ABTB2: variants seen among roughly 807,000 people sequenced by gnomAD.
ABTB2 encodes the protein ankyrin repeat and BTB domain containing 2.
A neutral mutation model predicts 104.1 loss-of-function variants in ABTB2; 56 were observed. The observed-to-expected ratio is 0.54, with a 90% CI of 0.43 to 0.67. The LOEUF (loss-of-function observed/expected upper bound fraction) is 0.67. Among genes scored for constraint, ABTB2 ranks in the 30% least tolerant of loss-of-function variants. The probability of loss-of-function intolerance (pLI) is 0.00; values close to 1 mark genes in which losing one functional copy is unlikely to be tolerated. For missense variants in ABTB2, 1,279 were observed against 1,407.7 expected, an observed-to-expected ratio of 0.91 and a Z score of 1.46; for synonymous variants, 606 against 608.2, an observed-to-expected ratio of 1.00 and a Z score of 0.05.
chr11:34,217,232 A>G (rs1461288080), intron 1 of ABTB2, among the ~76,000 whole-genome samples: 4 of 152,206 alleles, frequency 2.6e-5, no homozygotes, highest in Admixed American at 1.3e-4. Context: ...ATTATTTCCT[A>G]GGCGAAGCCA....
At chr11:34,195,890 C>T (rs1590213361) in intron 3 of ABTB2, among the ~76,000 whole-genome samples, 1 of 152,168 alleles carries the variant, frequency 6.6e-6, no homozygotes, top group Non-Finnish European at 1.5e-5. Flanking sequence ...CTCAATGCCC[C>T]CCAAAGACAG....
At position 34,200,574 on chromosome 11, in the gene ABTB2, C is replaced by A. The variant is rs542880387; in HGVS notation, c.1031-3036G>T. 1.4e-3 allele frequency among the ~76,000 whole-genome samples: 217 copies of A among 152,326 alleles called. 1 individual carries two copies. The highest frequency in any genetic ancestry group is 6.8e-3 in the Middle Eastern group (2 of 294). ...GGCAACCCACTTATGGCAAAGAAAG[C>A]GGCTTGCTTGGAACCTTCTCCTAGG... On this transcript the variant is annotated intron_variant, in intron 2 of 16. Coordinates refer to ENST00000435224, the MANE Select transcript of ABTB2 (RefSeq NM_145804.3).
In ABTB2 at chr11:34,164,746, A is replaced by C. The variant is rs1590203786; in HGVS notation, c.1928T>G (p.Met643Arg). The C allele has an allele frequency of 6.4e-7, 1 of 1,557,860 alleles. No individual in the cohort carries two copies. The change falls in exon 9 of 17, where the codon ATG (methionine) becomes AGG (arginine). Residue 643 changes from methionine (M) to arginine (R), a missense_variant. Physicochemically the swap from Met to Arg is moderately conservative, Grantham distance 91. Coordinates refer to ENST00000435224, the MANE Select transcript of ABTB2 (RefSeq NM_145804.3). ...PLLSMLEAHGMGSSLHEDMNC... is the reference protein window; with the variant it reads ...PLLSMLEAHGRGSSLHEDMNC... ...CATGTCCTCGTGGAGGGAGGAGCCC[A>C]TGCCGTGGGCCTCCAGCATGCTGAG... is the stretch of plus-strand genomic sequence containing the variant.
At chr11:34,211,497 T>G (rs1352379687) in intron 1 of ABTB2, among the ~76,000 whole-genome samples, 3 of 151,794 alleles carry the variant, frequency 2.0e-5, no homozygotes, top group Non-Finnish European at 4.4e-5. Flanking sequence ...GCTGGGGGGA[T>G]GGGTGTTGAG....
At chr11:34,182,253 A>G (rs1444709818) in intron 3 of ABTB2, among the ~76,000 whole-genome samples, 1 of 152,098 alleles carries the variant, frequency 6.6e-6, no homozygotes, top group Non-Finnish European at 1.5e-5. Context: ...GTCAGATTTC[A>G]CTCTGCACCA....
intron 3 of ABTB2, among the ~76,000 whole-genome samples, chr11:34,195,744 C>T (rs555642266): frequency 2.6e-5 from 4 of 152,280 alleles, no homozygotes; most frequent in East Asian, 1.9e-4. Flanking sequence ...ACTGAGCATC[C>T]GCCTGCAAAC....
intron 1 of ABTB2, among the ~76,000 whole-genome samples, chr11:34,223,838 C>T (rs1853655989): frequency 6.6e-6 from 1 of 152,172 alleles, no homozygotes; most frequent in Admixed American, 6.6e-5. Flanking sequence ...CTAGAACATT[C>T]TCCTTATTTC....
At chr11:34,314,413 G>A (rs989332782) in intron 1 of ABTB2, among the ~76,000 whole-genome samples, 11 of 152,186 alleles carry the variant, frequency 7.2e-5, no homozygotes, top group Non-Finnish European at 1.2e-4. Context: ...CTGAGCCAGC[G>A]CTTGGCACAT....
chr11:34,288,407 A>G (rs1171745494), intron 1 of ABTB2, among the ~76,000 whole-genome samples: 1 of 152,236 alleles, frequency 6.6e-6, no homozygotes, highest in Non-Finnish European at 1.5e-5. Flanking sequence ...AACAAACAAA[A>G]GATAAGGTCA....
Position 34,356,624 on chromosome 11 carries a change from G to A in ABTB2, c.883+77C>T. On this transcript the variant is annotated intron_variant, in intron 1 of 16. Transcript: ENST00000435224. The surrounding 1 kb of genome is among the most constrained non-coding windows in gnomAD (Gnocchi z 4.6). The stretch of plus-strand genomic sequence containing the variant: ...TGGCACAGCCACCAGCTTTGTCTCA[G>A]GAAATTCACTCCCCCAGTAGCCCAG... 6.9e-7 allele frequency: 1 copy of A among 1,452,084 alleles called. No individual in the cohort carries two copies. Among genetic ancestry groups the A allele is most frequent in the Non-Finnish European group, 9.1e-7 (1 of 1,094,134 alleles). 89.9% of individuals were successfully genotyped at this position (1,452,084 alleles called of 1,614,324 possible). A position where few individuals can be genotyped will look rare whatever the true frequency, so the allele number is the denominator to read the frequency against.
In ABTB2 at chr11:34,357,705, C is replaced by A; in HGVS notation, c.-122G>T. The A allele has an allele frequency of 8.9e-7, 1 of 1,123,634 alleles. No homozygotes were observed. Among genetic ancestry groups the A allele is most frequent in the Non-Finnish European group, 1.2e-6 (1 of 860,144 alleles). 69.6% of individuals were successfully genotyped at this position (1,123,634 alleles called of 1,614,324 possible). A position where few individuals can be genotyped will look rare whatever the true frequency, so the allele number is the denominator to read the frequency against. ...GCCACCCTCCTTCCTCTCTGCGTCGCGGGGCTCGGCGGCCGCATTGCCTGC... is the reference window on the plus strand; with the variant it reads ...GCCACCCTCCTTCCTCTCTGCGTCGAGGGGCTCGGCGGCCGCATTGCCTGC... On this transcript the variant is annotated 5_prime_UTR_variant, in exon 1 of 17. Transcript: ENST00000435224.
intron 3 of ABTB2, among the ~76,000 whole-genome samples, chr11:34,195,075 C>CCGGG (rs1554982287): frequency 1.1e-4 from 2 of 18,070 alleles, no homozygotes; most frequent in African/African-American, 2.3e-4. Context: ...AGATGCCCGG[C>CCGGG]GGGGGGGGGG....
rs151277061 is a variant in ABTB2, at chr11:34,223,727, T to C, written c.884-19037A>G. On this transcript the variant is annotated intron_variant, in intron 1 of 16. Coordinates refer to ENST00000435224, the MANE Select transcript of ABTB2 (RefSeq NM_145804.3). The stretch of plus-strand genomic sequence containing the variant: ...CTCATTACTCAAATTGCTGACCCGC[T>C]AGCATGCCTCCAGTTACATCAGAGC... Among the ~76,000 whole-genome samples, 953 of 152,324 alleles carry C rather than the reference T, an allele frequency of 6.3e-3. 12 individuals are homozygous for C. Among genetic ancestry groups the C allele is most frequent in the African/African-American group, 0.021 (879 of 41,556 alleles).
At chr11:34,254,670 CTTT>C (rs57784717) in intron 1 of ABTB2, among the ~76,000 whole-genome samples, 7 of 127,670 alleles carry the variant, frequency 5.5e-5, no homozygotes, top group African/African-American at 1.2e-4. Flanking sequence ...ATATTAGAAA[CTTT>C]TTTTTTTTTT....
intron 1 of ABTB2, among the ~76,000 whole-genome samples, chr11:34,242,118 C>T (rs1853925423): frequency 6.6e-6 from 1 of 152,364 alleles, no homozygotes; most frequent in East Asian, 1.9e-4. Flanking sequence ...CTGGGGCCCA[C>T]AACAACTGCA....
At chr11:34,300,126 G>C (rs1019811406) in intron 1 of ABTB2, among the ~76,000 whole-genome samples, 1 of 152,164 alleles carries the variant, frequency 6.6e-6, no homozygotes, top group Non-Finnish European at 1.5e-5. Flanking sequence ...GTTTTCTTTA[G>C]AGGAGCTATT....
At chr11:34,174,146 AAC>A (rs1328402009) in intron 3 of ABTB2, among the ~76,000 whole-genome samples, 1 of 152,088 alleles carries the variant, frequency 6.6e-6, no homozygotes, top group Non-Finnish European at 1.5e-5. Context: ...CATCCCGGCT[AAC>A]ACAGTCTCTG....
At chr11:34,297,209 T>G (rs1854633013) in intron 1 of ABTB2, among the ~76,000 whole-genome samples, 1 of 152,194 alleles carries the variant, frequency 6.6e-6, no homozygotes, top group African/African-American at 2.4e-5. Context: ...CACGGATTTA[T>G]GAATGATTTG....
At chr11:34,304,392 T>C (rs1223132502) in intron 1 of ABTB2, among the ~76,000 whole-genome samples, 1 of 152,230 alleles carries the variant, frequency 6.6e-6, no homozygotes, top group African/African-American at 2.4e-5. Context: ...ATTACAGGTG[T>C]AAGCCATTGC....
Sources: gnomAD v4.1 joint callset for allele counts (sites outside exome capture counted in the v4.1 genomes callset) on GRCh38, gnomAD v4.1.1 for gene constraint, Gnocchi (gnomAD v3.1) non-coding constraint, MANE v1.5 for transcripts, NCBI Gene and HGNC (gene_info 2026-07-23, HGNC 2026-07-21) for gene names.